TBC1D5: variants seen among roughly 807,000 people sequenced by gnomAD.
TBC1D5 encodes the protein TBC1 domain family member 5.
Under a neutral mutation model 100.3 loss-of-function variants are expected in TBC1D5, and 75 were observed. The observed-to-expected ratio is 0.75, with a 90% CI of 0.62 to 0.91. TBC1D5 has a LOEUF of 0.91. Ranked by LOEUF, TBC1D5 falls within the 40% of genes least tolerant of loss-of-function variation. The pLI is 0.00. For synonymous variants in TBC1D5, 323 were observed against 325.6 expected, an observed-to-expected ratio of 0.99 and a Z score of 0.09; for missense variants, 910 against 942.4, an observed-to-expected ratio of 0.97 and a Z score of 0.45.
intron 2 of TBC1D5, among the ~76,000 whole-genome samples, chr3:17,563,521 G>A (rs1014678651): frequency 6.6e-6 from 1 of 152,164 alleles, no homozygotes; most frequent in Admixed American, 6.5e-5. Flanking sequence ...TTAAATTTAA[G>A]GTCTGAAAAT....
At chr3:17,697,120 T>A (rs985337728) in intron 1 of TBC1D5, among the ~76,000 whole-genome samples, 8 of 152,194 alleles carry the variant, frequency 5.3e-5, no homozygotes, top group African/African-American at 1.9e-4. Context: ...TACTAAGAGC[T>A]ATTTATGACA....
intron 3 of TBC1D5, among the ~76,000 whole-genome samples, chr3:17,503,949 G>A (rs1288002307): frequency 6.7e-6 from 1 of 149,354 alleles, no homozygotes; most frequent in East Asian, 1.9e-4. Context: ...ATATTTAAAA[G>A]AAAACATGGA....
At chr3:17,390,819 C>G (rs1323265500) in intron 8 of TBC1D5, among the ~76,000 whole-genome samples, 1 of 152,086 alleles carries the variant, frequency 6.6e-6, no homozygotes, top group African/African-American at 2.4e-5. Context: ...GGAATAAAAA[C>G]AGACATACTG....
chr3:17,467,283 CTTCT>C (rs1270651755), intron 3 of TBC1D5, among the ~76,000 whole-genome samples: 2 of 52,574 alleles, frequency 3.8e-5, no homozygotes, highest in South Asian at 8.6e-4. Flanking sequence ...TCTGCCAGAC[CTTCT>C]TTTTTTTTTT....
intron 3 of TBC1D5, among the ~76,000 whole-genome samples, chr3:17,436,020 T>C (rs1290085468): frequency 6.6e-6 from 1 of 152,218 alleles, no homozygotes; most frequent in African/African-American, 2.4e-5. Context: ...TCTATATAAA[T>C]ACAAAGTGCT....
At chr3:17,701,937 T>C (rs1308032756) in intron 1 of TBC1D5, among the ~76,000 whole-genome samples, 6 of 152,142 alleles carry the variant, frequency 3.9e-5, no homozygotes, top group African/African-American at 7.2e-5. Flanking sequence ...AAGAAAGTTA[T>C]TGGAGACCAA....
chr3:17,193,812 C>G (rs185245467), intron 18 of TBC1D5, among the ~76,000 whole-genome samples: 121 of 152,260 alleles, frequency 7.9e-4, no homozygotes, highest in Non-Finnish European at 1.3e-3. Context: ...ATTAAAATAG[C>G]TAATACATGT....
chr3:17,506,358 A>C (rs2153228441), intron 3 of TBC1D5, among the ~76,000 whole-genome samples: 1 of 152,262 alleles, frequency 6.6e-6, no homozygotes, highest in South Asian at 2.1e-4. Flanking sequence ...GAAGAACAAG[A>C]TATTTACATA....
intron 3 of TBC1D5, among the ~76,000 whole-genome samples, chr3:17,504,696 A>G (rs991089475): frequency 3.9e-5 from 6 of 152,166 alleles, no homozygotes; most frequent in Non-Finnish European, 7.4e-5. Context: ...AGACTTTTTC[A>G]TCTCTAAGAT....
chr3:17,260,990 T>C (rs1399174177), intron 15 of TBC1D5, among the ~76,000 whole-genome samples: 1 of 152,066 alleles, frequency 6.6e-6, no homozygotes, highest in Non-Finnish European at 1.5e-5. Flanking sequence ...CTTCAAGTGC[T>C]AAACAGCCAC....
chr3:17,682,834 T>A (rs948901628), intron 1 of TBC1D5, among the ~76,000 whole-genome samples: 1 of 151,522 alleles, frequency 6.6e-6, no homozygotes, highest in Non-Finnish European at 1.5e-5. Flanking sequence ...TTAAAAACTT[T>A]TAGTGATTCA....
intron 1 of TBC1D5, among the ~76,000 whole-genome samples, chr3:17,643,217 G>A (rs1213450360): frequency 6.6e-6 from 1 of 151,918 alleles, no homozygotes; most frequent in Non-Finnish European, 1.5e-5. Flanking sequence ...TTTGTCTAAC[G>A]TCTTCTCATG....
At chr3:17,592,351 A>G (rs767422385) in intron 2 of TBC1D5, among the ~76,000 whole-genome samples, 2 of 152,198 alleles carry the variant, frequency 1.3e-5, no homozygotes, top group Non-Finnish European at 2.9e-5. Flanking sequence ...TTGGTGAGAC[A>G]TTTGCGTGTC....
intron 1 of TBC1D5, among the ~76,000 whole-genome samples, chr3:17,629,969 CT>C (rs1309727032): frequency 6.6e-6 from 1 of 152,048 alleles, no homozygotes; most frequent in East Asian, 1.9e-4. Context: ...TACATGAGGG[CT>C]AAAAATAAGG....
intron 1 of TBC1D5, among the ~76,000 whole-genome samples, chr3:17,668,153 A>AAT (rs989911063): frequency 8.8e-5 from 13 of 147,720 alleles, no homozygotes; most frequent in East Asian, 5.8e-4. Flanking sequence ...TTCACTTAAA[A>AAT]ATATATATAT....
At chr3:17,609,727 T>G (rs760305424) in intron 2 of TBC1D5, among the ~76,000 whole-genome samples, 1 of 152,168 alleles carries the variant, frequency 6.6e-6, no homozygotes, top group Non-Finnish European at 1.5e-5. Context: ...ATACCACAGC[T>G]GGCAAGGACA....
intron 2 of TBC1D5, among the ~76,000 whole-genome samples, chr3:17,521,953 T>C (rs181530076): frequency 2.0e-5 from 3 of 152,166 alleles, no homozygotes; most frequent in East Asian, 3.9e-4. Flanking sequence ...GCTGATGGAG[T>C]AGAAACTTCT....
chr3:17,689,107 C>G (rs11929521), intron 1 of TBC1D5, among the ~76,000 whole-genome samples: 3,976 of 152,018 alleles, frequency 0.026, 165 homozygotes, highest in African/African-American at 0.09. Context: ...TCCAAAATCC[C>G]CATTATCACC....
In TBC1D5 at chr3:17,591,233, CAAAAAA is replaced by C. The variant is rs60889092; in HGVS notation, c.-36+32610_-36+32615del. Among the ~76,000 whole-genome samples, 140 of 18,660 alleles carry C rather than the reference CAAAAAA, an allele frequency of 7.5e-3. 4 individuals are homozygous for C. The highest frequency in any genetic ancestry group is 0.015 in the African/African-American group (132 of 8,622). 12.2% of individuals were successfully genotyped at this position (18,660 alleles called of 152,430 possible). A position where few individuals can be genotyped will look rare whatever the true frequency, so the allele number is the denominator to read the frequency against. On this transcript the variant is annotated intron_variant, in intron 2 of 21. Coordinates refer to ENST00000253692, the Ensembl canonical transcript of TBC1D5. ...ACTGGGCTACAAAGAAAGGATCTGTCAAAAAAAAAAAAAAAAAAAAAAAAAAAAAAA... is the reference window on the plus strand; with the variant it reads ...ACTGGGCTACAAAGAAAGGATCTGTCAAAAAAAAAAAAAAAAAAAAAAAAA...
Sources: gnomAD v4.1 joint callset for allele counts (sites outside exome capture counted in the v4.1 genomes callset) on GRCh38, gnomAD v4.1.1 for gene constraint, MANE v1.5 for transcripts, NCBI Gene and HGNC (gene_info 2026-07-23, HGNC 2026-07-21) for gene names.